GRAMD2B: variants seen among roughly 807,000 people sequenced by gnomAD.
GRAMD2B encodes GRAM domain containing 2B.
A neutral mutation model predicts 59.2 loss-of-function variants in GRAMD2B; 41 were observed. That is an observed-to-expected ratio of 0.69 (90% CI 0.54 to 0.90). The LOEUF (loss-of-function observed/expected upper bound fraction) is 0.90, where lower values mean the gene tolerates loss of function less well. GRAMD2B is among the 40% of genes least tolerant of loss of function. The probability of loss-of-function intolerance (pLI) is 0.00; values close to 1 mark genes in which losing one functional copy is unlikely to be tolerated. For synonymous variants in GRAMD2B, 161 were observed against 182.7 expected, an observed-to-expected ratio of 0.88 and a Z score of 0.96; for missense variants, 424 against 500.5, an observed-to-expected ratio of 0.85 and a Z score of 1.46.
At chr5:126,448,100 C>T (rs1186046812) in intron 1 of GRAMD2B, among the ~76,000 whole-genome samples, 2 of 151,998 alleles carry the variant, frequency 1.3e-5, no homozygotes, top group Non-Finnish European at 2.9e-5. Context: ...AAGTAACCCA[C>T]CCGCCTCAGC....
At chr5:126,450,588 T>G (rs4836260) in intron 1 of GRAMD2B, among the ~76,000 whole-genome samples, 1 of 149,602 alleles carries the variant, frequency 6.7e-6, no homozygotes, top group Admixed American at 6.7e-5. Flanking sequence ...TCACCTGGCC[T>G]TCATTCATTC....
At chr5:126,449,197 ACT>A (rs1246551456) in intron 1 of GRAMD2B, among the ~76,000 whole-genome samples, 5 of 152,366 alleles carry the variant, frequency 3.3e-5, no homozygotes, top group Admixed American at 6.5e-5. Flanking sequence ...TGAAAGTGGT[ACT>A]GTCATGTACA....
chr5:126,454,099 G>A (rs1033315177), intron 1 of GRAMD2B, among the ~76,000 whole-genome samples: 1 of 152,168 alleles, frequency 6.6e-6, no homozygotes, highest in African/African-American at 2.4e-5. Context: ...ATAGAGGAAG[G>A]ACAGAACATG....
At chr5:126,371,447 T>G (rs1754746372) in exon 1 of GRAMD2B, 1 of 1,287,670 alleles carries the variant, frequency 7.8e-7, no homozygotes, top group Non-Finnish European at 1.0e-6. Context: ...CGCACAATGG[T>G]GAAGAAAAGG....
intron 1 of GRAMD2B, among the ~76,000 whole-genome samples, chr5:126,439,502 T>C: frequency 6.6e-6 from 1 of 152,074 alleles, no homozygotes; most frequent in South Asian, 2.1e-4. Context: ...AATTTTTATA[T>C]TTTTGTAGAG....
In GRAMD2B at chr5:126,483,455, C is replaced by T. The variant is rs758455584; in HGVS notation, c.736-8C>T. On this transcript the variant is annotated splice_polypyrimidine_tract_variant and splice_region_variant and intron_variant, in intron 8 of 13. Coordinates refer to ENST00000285689, the MANE Select transcript of GRAMD2B (RefSeq NM_023927.4). Reference sequence around the variant, plus strand: ...TCAGCCTGTCTTCATTTCACTGTTTCCTTTCAGGATTTCAATGATGAATTC... The same window carrying T: ...TCAGCCTGTCTTCATTTCACTGTTTTCTTTCAGGATTTCAATGATGAATTC... 8 of 1,562,190 alleles carry T rather than the reference C, an allele frequency of 5.1e-6. No individual in the cohort carries two copies. The highest frequency in any genetic ancestry group is 1.4e-5 in the African/African-American group (1 of 73,854).
At chr5:126,360,382 A>T in exon 1 of GRAMD2B, 1 of 1,551,454 alleles carries the variant, frequency 6.4e-7, no homozygotes. Context: ...TTCAGCAAAC[A>T]TTCCAAGCAC....
intron 6 of GRAMD2B, among the ~76,000 whole-genome samples, chr5:126,479,357 C>G (rs1771273286): frequency 6.6e-6 from 1 of 151,784 alleles, no homozygotes; most frequent in Non-Finnish European, 1.5e-5. Flanking sequence ...TCCTTTCTAA[C>G]CATACTAGAA....
intron 1 of GRAMD2B, among the ~76,000 whole-genome samples, chr5:126,437,878 G>A (rs4413529): frequency 0.15 from 22,149 of 152,174 alleles, 3,577 homozygotes; most frequent in African/African-American, 0.4. Flanking sequence ...GGCTGGGTAA[G>A]TGGGAAATGA....
chr5:126,371,237 G>T, upstream of GRAMD2B: 2 of 954,602 alleles, frequency 2.1e-6, no homozygotes, highest in South Asian at 6.9e-5. Context: ...TAGGTAGGAT[G>T]AAAACCGCCC....
upstream of GRAMD2B, among the ~76,000 whole-genome samples, chr5:126,421,840 A>G (rs887183809): frequency 1.3e-5 from 2 of 152,216 alleles, no homozygotes; most frequent in African/African-American, 2.4e-5. Flanking sequence ...ATACATGTAC[A>G]TACTATGGTT....
rs751548631 is a variant in GRAMD2B, at chr5:126,493,887, T to C, written c.*931T>C. 14 of 152,620 alleles carry C rather than the reference T, an allele frequency of 9.2e-5. No individual in the cohort carries two copies. The highest frequency in any genetic ancestry group is 1.6e-4 in the Non-Finnish European group (11 of 68,014). 9.5% of individuals were successfully genotyped at this position (152,620 alleles called of 1,614,324 possible). On this transcript the variant is annotated 3_prime_UTR_variant, in exon 14 of 14. Coordinates refer to ENST00000285689, the MANE Select transcript of GRAMD2B (RefSeq NM_023927.4). The stretch of plus-strand genomic sequence containing the variant: ...TGTTTTTATCCTTTGCTGACTAAAA[T>C]AAAATAACTGGTGGTTTGCTAACTA...
chr5:126,427,244 A>C (rs1760766880), intron 1 of GRAMD2B, among the ~76,000 whole-genome samples: 1 of 152,172 alleles, frequency 6.6e-6, no homozygotes, highest in African/African-American at 2.4e-5. Flanking sequence ...TATTTCTCCT[A>C]ATGCAATCCC....
intron 1 of GRAMD2B, among the ~76,000 whole-genome samples, chr5:126,403,129 A>G (rs754744912): frequency 6.6e-6 from 1 of 151,984 alleles, no homozygotes; most frequent in Non-Finnish European, 1.5e-5. Flanking sequence ...TCTGAATACC[A>G]TTTGACTAAT....
chr5:126,456,513 C>T (rs1485456494), intron 1 of GRAMD2B, among the ~76,000 whole-genome samples: 1 of 152,096 alleles, frequency 6.6e-6, no homozygotes, highest in African/African-American at 2.4e-5. Flanking sequence ...ACCCAGCCTA[C>T]CACTTCTAAC....
intron 1 of GRAMD2B, among the ~76,000 whole-genome samples, chr5:126,438,463 G>A (rs12186425): frequency 0.19 from 29,368 of 152,064 alleles, 3,521 homozygotes; most frequent in Middle Eastern, 0.33. Context: ...AGTAATTAGA[G>A]GTCTGGGAAA....
chr5:126,361,922 T>C (rs1010711457), intron 1 of GRAMD2B, among the ~76,000 whole-genome samples: 1 of 152,204 alleles, frequency 6.6e-6, no homozygotes, highest in African/African-American at 2.4e-5. Context: ...TGAGCCTCAG[T>C]TCTTCCTCTG....
At chr5:126,435,322 C>T (rs1378602425) in intron 1 of GRAMD2B, among the ~76,000 whole-genome samples, 1 of 152,066 alleles carries the variant, frequency 6.6e-6, no homozygotes, top group Non-Finnish European at 1.5e-5. Context: ...GGTTGATGGA[C>T]AAGGAAGAAT....
At chr5:126,370,278 CT>C (rs1754679955), upstream of GRAMD2B, among the ~76,000 whole-genome samples, 1 of 152,208 alleles carries the variant, frequency 6.6e-6, no homozygotes, top group Non-Finnish European at 1.5e-5. Context: ...CAGCACAGAC[CT>C]GTCCCTGCCA....
Sources: gnomAD v4.1 joint callset for allele counts (sites outside exome capture counted in the v4.1 genomes callset) on GRCh38, gnomAD v4.1.1 for gene constraint, MANE v1.5 for transcripts, NCBI Gene and HGNC (gene_info 2026-07-23, HGNC 2026-07-21) for gene names.